TENM3: variants seen among roughly 807,000 people sequenced by gnomAD.
TENM3 encodes the protein teneurin-3.
TENM3 carries 63 observed loss-of-function variants against 255.1 expected under a neutral mutation model. That is an observed-to-expected ratio of 0.25 (90% CI 0.20 to 0.30). TENM3 has a LOEUF of 0.30. Ranked by LOEUF, TENM3 falls within the 10% of genes least tolerant of loss-of-function variation. The probability of loss-of-function intolerance (pLI) is 1.00; values close to 1 mark genes in which losing one functional copy is unlikely to be tolerated. For synonymous variants in TENM3, 1,306 were observed against 1,322.3 expected, an observed-to-expected ratio of 0.99 and a Z score of 0.27; for missense variants, 2,929 against 3,461.1, an observed-to-expected ratio of 0.85 and a Z score of 3.86.
At chr4:181,813,802 G>A in the TENM3 span, among the ~76,000 whole-genome samples, 5 of 152,296 alleles carry the variant, frequency 3.3e-5, no homozygotes, top group African/African-American at 4.8e-5. Flanking sequence ...TACGGAGGTA[G>A]AAGGAGAAAA....
the TENM3 span, among the ~76,000 whole-genome samples, chr4:181,985,437 T>C: frequency 1.3e-5 from 2 of 152,076 alleles, no homozygotes; most frequent in East Asian, 1.9e-4. Context: ...ATAATCCTCA[T>C]CTCTAAAATA....
At chr4:182,440,427 A>G (rs1175421402) in intron 3 of TENM3, among the ~76,000 whole-genome samples, 1 of 152,042 alleles carries the variant, frequency 6.6e-6, no homozygotes, top group Admixed American at 6.6e-5. Flanking sequence ...GGGCACCTTT[A>G]AATACAGATA....
At chr4:182,508,040 T>C (rs1254434208) in intron 3 of TENM3, among the ~76,000 whole-genome samples, 1 of 152,180 alleles carries the variant, frequency 6.6e-6, no homozygotes, top group Non-Finnish European at 1.5e-5. Flanking sequence ...GAATCCTAGT[T>C]CTGTCACTAA....
the TENM3 span, among the ~76,000 whole-genome samples, chr4:181,858,782 G>A: frequency 0.77 from 117,681 of 152,078 alleles, 45,828 homozygotes; most frequent in East Asian, 0.95. Flanking sequence ...ATTCACATGG[G>A]CTGCTACATT....
the TENM3 span, among the ~76,000 whole-genome samples, chr4:182,073,124 C>T: frequency 5.3e-5 from 8 of 152,228 alleles, no homozygotes; most frequent in East Asian, 3.9e-4. Context: ...GGAGAGGCCT[C>T]TGGAAACTTA....
chr4:182,655,224 T>C (rs1312206722), intron 6 of TENM3, among the ~76,000 whole-genome samples: 1 of 152,202 alleles, frequency 6.6e-6, no homozygotes, highest in Non-Finnish European at 1.5e-5. Flanking sequence ...TTAGACTGTC[T>C]CTTAAAATGC....
chr4:181,492,806 T>C, the TENM3 span, among the ~76,000 whole-genome samples: 1 of 152,218 alleles, frequency 6.6e-6, no homozygotes, highest in Non-Finnish European at 1.5e-5. Flanking sequence ...AGATAAACTT[T>C]AGTTCTCTTG....
At chr4:182,366,113 G>GT (rs1580312131) in intron 3 of TENM3, among the ~76,000 whole-genome samples, 1 of 151,992 alleles carries the variant, frequency 6.6e-6, no homozygotes, top group East Asian at 1.9e-4. Context: ...TTATTAAGTT[G>GT]CAAATAGTTT....
chr4:181,818,214 A>C, the TENM3 span, among the ~76,000 whole-genome samples: 1,118 of 152,308 alleles, frequency 7.3e-3, 15 homozygotes, highest in African/African-American at 0.026. Context: ...CTCAAATTCT[A>C]TTCTAGGTGT....
chr4:182,509,219 T>C (rs1737133699), intron 3 of TENM3, among the ~76,000 whole-genome samples: 1 of 152,210 alleles, frequency 6.6e-6, no homozygotes, highest in African/African-American at 2.4e-5. Context: ...TTGCTGACAG[T>C]GAGCCTGAGA....
chr4:181,834,053 C>A, the TENM3 span, among the ~76,000 whole-genome samples: 1 of 151,262 alleles, frequency 6.6e-6, no homozygotes, highest in Non-Finnish European at 1.5e-5. Flanking sequence ...CATTGACGTG[C>A]ATTTTAGATT....
chr4:182,754,615 G>A lies in TENM3; in HGVS notation c.4248G>A (p.Leu1416=). 1 of 1,614,000 alleles carries A rather than the reference G, an allele frequency of 6.2e-7. No individual in the cohort carries two copies. The highest frequency in any genetic ancestry group is 8.5e-7 in the Non-Finnish European group (1 of 1,179,878). Residue 1416 remains leucine (L), a synonymous_variant, in exon 22 of 28, where the codon CTG becomes CTA. Transcript: ENST00000511685. The surrounding 1 kb of genome is among the most constrained non-coding windows in gnomAD (Gnocchi z 5.1). ...TAIAVSYSGV[L]YITETDEKKI... is the part of the protein sequence containing the mutation. ...TTGCTGTGTCCTACAGTGGGGTCCTGTACATTACTGAAACTGATGAGAAGA... is the reference window on the plus strand; with the variant it reads ...TTGCTGTGTCCTACAGTGGGGTCCTATACATTACTGAAACTGATGAGAAGA...
chr4:181,618,251 T>A, the TENM3 span, among the ~76,000 whole-genome samples: 1 of 152,174 alleles, frequency 6.6e-6, no homozygotes, highest in Non-Finnish European at 1.5e-5. Context: ...TACACCAGTT[T>A]CAGTCCTCTC....
the TENM3 span, among the ~76,000 whole-genome samples, chr4:182,098,013 T>C: frequency 1.3e-5 from 2 of 152,072 alleles, no homozygotes; most frequent in South Asian, 2.1e-4. Flanking sequence ...AATGTTAAGA[T>C]GGGCAAAAGT....
the TENM3 span, among the ~76,000 whole-genome samples, chr4:181,755,696 A>T: frequency 6.6e-6 from 1 of 152,096 alleles, no homozygotes; most frequent in Non-Finnish European, 1.5e-5. Flanking sequence ...ACATCAATAC[A>T]TGCATTTCTG....
the TENM3 span, among the ~76,000 whole-genome samples, chr4:181,722,074 T>G: frequency 6.6e-6 from 1 of 152,030 alleles, no homozygotes; most frequent in Non-Finnish European, 1.5e-5. Flanking sequence ...TATTCAAGGG[T>G]TTCTAAACTG....
chr4:181,500,423 C>CA, the TENM3 span, among the ~76,000 whole-genome samples: 1 of 151,650 alleles, frequency 6.6e-6, no homozygotes, highest in African/African-American at 2.4e-5. Flanking sequence ...AGGGAACAAA[C>CA]AAAAAATATG....
At chr4:182,761,821 A>G (rs932968099) in intron 22 of TENM3, among the ~76,000 whole-genome samples, 6 of 152,284 alleles carry the variant, frequency 3.9e-5, no homozygotes, top group South Asian at 2.1e-4. Flanking sequence ...CAAATAGTTT[A>G]TTTCTATTTT....
At chr4:182,219,608 T>C (rs1485031898) in intron 1 of TENM3, among the ~76,000 whole-genome samples, 1 of 152,010 alleles carries the variant, frequency 6.6e-6, no homozygotes, top group Admixed American at 6.5e-5. Flanking sequence ...GAGGCTGCAG[T>C]GAGTCATCAT....
Sources: gnomAD v4.1 joint callset for allele counts (sites outside exome capture counted in the v4.1 genomes callset) on GRCh38, gnomAD v4.1.1 for gene constraint, Gnocchi (gnomAD v3.1) non-coding constraint, MANE v1.5 for transcripts, NCBI Gene and HGNC (gene_info 2026-07-23, HGNC 2026-07-21) for gene names.